The following MORN4 variants were observed in gnomAD, a reference collection of about 807,000 sequenced individuals.
MORN4 encodes the protein MORN repeat-containing protein 4.
In MORN4, 8 loss-of-function variants were observed where a neutral mutation model predicts 16.4. That is an observed-to-expected ratio of 0.49 (90% confidence interval 0.29 to 0.88). The LOEUF (loss-of-function observed/expected upper bound fraction) is 0.88, where lower values mean the gene tolerates loss of function less well. Ranked by LOEUF, MORN4 falls within the 40% of genes least tolerant of loss-of-function variation. The pLI is 0.09. For missense variants in MORN4, 159 were observed against 182.9 expected (o/e 0.87, Z 0.75); for synonymous variants, 53 against 68.9 (o/e 0.77, Z 1.14).
At chr10:97,620,138 T>G (rs1291485110) in intron 1 of MORN4, among the ~76,000 whole-genome samples, 1 of 151,686 alleles carries the variant, frequency 6.6e-6, no homozygotes, top group Non-Finnish European at 1.5e-5. Context: ...TGGCCAGAAT[T>G]TAAAACAAGC....
chr10:97,628,052 G>C (rs970709908), intron 1 of MORN4, among the ~76,000 whole-genome samples: 5 of 152,190 alleles, frequency 3.3e-5, no homozygotes, highest in Non-Finnish European at 5.9e-5. Context: ...ATTTTGATCA[G>C]GCAATCCTCA....
intron 1 of MORN4, among the ~76,000 whole-genome samples, chr10:97,623,067 A>G (rs1421574922): frequency 1.3e-5 from 2 of 151,782 alleles, no homozygotes; most frequent in African/African-American, 4.8e-5. Context: ...CATCTTTTCC[A>G]GATCTAAGCA....
At chr10:97,624,096 A>G (rs767137618) in intron 1 of MORN4, among the ~76,000 whole-genome samples, 6 of 152,024 alleles carry the variant, frequency 3.9e-5, no homozygotes, top group Non-Finnish European at 7.4e-5. Flanking sequence ...CTTTTCCTTC[A>G]AGTCCCAGGG....
At chr10:97,624,185 T>C (rs559610812) in intron 1 of MORN4, among the ~76,000 whole-genome samples, 35 of 152,318 alleles carry the variant, frequency 2.3e-4, no homozygotes, top group African/African-American at 8.2e-4. Context: ...GGGTCTGGTA[T>C]ATTTTATGCA....
chr10:97,618,258 CTTTTTTTTTTTTTT>C (rs1192502394), intron 2 of MORN4, among the ~76,000 whole-genome samples: 1 of 92,820 alleles, frequency 1.1e-5, no homozygotes, highest in Non-Finnish European at 2.0e-5. Flanking sequence ...AGCCTCTCTT[CTTTTTTTTTTTTTT>C]TTTTTTTTTT....
intron 1 of MORN4, among the ~76,000 whole-genome samples, chr10:97,632,927 T>TG (rs1449182414): frequency 6.6e-6 from 1 of 152,094 alleles, no homozygotes; most frequent in African/African-American, 2.4e-5. Flanking sequence ...CTTCCATATG[T>TG]GGGAGTTCTC....
upstream of MORN4, among the ~76,000 whole-genome samples, chr10:97,634,050 A>G (rs773829263): frequency 5.9e-5 from 9 of 152,138 alleles, no homozygotes; most frequent in Admixed American, 6.6e-5. Context: ...GCACTTCGGG[A>G]GGCCGCGGCT....
chr10:97,622,091 G>A (rs1412158054), intron 1 of MORN4, among the ~76,000 whole-genome samples: 1 of 152,120 alleles, frequency 6.6e-6, no homozygotes, highest in Non-Finnish European at 1.5e-5. Context: ...GCTGGCCACA[G>A]ATGAACAAAT....
chr10:97,614,696 G>A lies in MORN4; in HGVS notation c.*1567C>T, dbSNP rs1256826008. ...TCAATGTGAGGCTAGGGAGCTAGAG[G>A]TGGGGGACGTATTTGGGTACCAGGG... On this transcript the variant is annotated 3_prime_UTR_variant, in exon 5 of 5. Transcript: ENST00000307450. 1.3e-5 allele frequency: 2 copies of A among 152,662 alleles called. No homozygotes were observed. The highest frequency in any genetic ancestry group is 3.8e-4 in the East Asian group (2 of 5,202). The allele number at this position is 152,662 out of a possible 1,614,324, so 9.5% of individuals were successfully genotyped here.
Position 97,621,945 on chromosome 10 carries a change from A to G in MORN4, c.-30-2262T>C, listed in dbSNP as rs149212380. Among the ~76,000 whole-genome samples the G allele has an allele frequency of 1.1e-3, 175 of 152,204 alleles. 1 individual carries two copies. The Middle Eastern group carries it at 0.014, about 12-fold the overall frequency. ...TGTGTGACTTGTTCTAGATAATGGAATGTTCGCAAAGGTGATCTAGCAGAG... is the reference window on the plus strand; with the variant it reads ...TGTGTGACTTGTTCTAGATAATGGAGTGTTCGCAAAGGTGATCTAGCAGAG... On this transcript the variant is annotated intron_variant, in intron 1 of 4. Coordinates refer to ENST00000307450, the MANE Select transcript of MORN4 (RefSeq NM_178832.4).
Position 97,633,467 on chromosome 10 carries a change from C to G in MORN4, c.-151G>C. On this transcript the variant is annotated 5_prime_UTR_variant, in exon 1 of 5. Coordinates refer to ENST00000307450, the MANE Select transcript of MORN4 (RefSeq NM_178832.4). This position sits in a 1 kb window ranked among gnomAD's most constrained non-coding sequence, Gnocchi z 4.5. ...CTCCGCCACCTCCACCAGCGATTGC[C>G]CCACTTGACGCCGCCATCCTGGGCG... is the stretch of plus-strand genomic sequence containing the variant. 2 of 1,289,870 alleles carry G rather than the reference C, an allele frequency of 1.6e-6. No individual in the cohort carries two copies. The highest frequency in any genetic ancestry group is 2.0e-6 in the Non-Finnish European group (2 of 988,858). 79.9% of individuals were successfully genotyped at this position (1,289,870 alleles called of 1,614,324 possible).
intron 1 of MORN4, among the ~76,000 whole-genome samples, chr10:97,627,598 T>TG (rs2041360243): frequency 6.6e-6 from 1 of 152,178 alleles, no homozygotes; most frequent in Non-Finnish European, 1.5e-5. Context: ...CCCTGTGCTC[T>TG]CACCCAAATA....
At position 97,616,205 on chromosome 10, in the gene MORN4, A is replaced by T. The variant is rs1308952684; in HGVS notation, c.*58T>A. ...GCTCTGATTCATTTGTTCACCTCGAATCAACAACAGGGGCACTGGCTTTAC... is the reference window on the plus strand; with the variant it reads ...GCTCTGATTCATTTGTTCACCTCGATTCAACAACAGGGGCACTGGCTTTAC... On this transcript the variant is annotated 3_prime_UTR_variant, in exon 5 of 5. Transcript: ENST00000307450. 1 of 1,479,462 alleles carries T rather than the reference A, an allele frequency of 6.8e-7. No individual in the cohort carries two copies. Among genetic ancestry groups the T allele is most frequent in the South Asian group, 1.4e-5 (1 of 71,258 alleles). 91.6% of individuals were successfully genotyped at this position (1,479,462 alleles called of 1,614,324 possible).
At chr10:97,619,028 A>G (rs1374026063) in intron 2 of MORN4, among the ~76,000 whole-genome samples, 1 of 152,196 alleles carries the variant, frequency 6.6e-6, no homozygotes, top group East Asian at 1.9e-4. Flanking sequence ...AATGCTTAGA[A>G]GAGAGGCTGG....
At chr10:97,618,258 CTTTTTTTTTT>C (rs1192502394) in intron 2 of MORN4, among the ~76,000 whole-genome samples, 18 of 92,820 alleles carry the variant, frequency 1.9e-4, no homozygotes, top group African/African-American at 7.9e-4. Flanking sequence ...AGCCTCTCTT[CTTTTTTTTTT>C]TTTTTTTTTT....
intron 1 of MORN4, among the ~76,000 whole-genome samples, chr10:97,627,170 C>T (rs557442210): frequency 6.6e-5 from 10 of 151,708 alleles, no homozygotes; most frequent in Admixed American, 5.3e-4. Context: ...TTTTGAGACA[C>T]TCTCACTCTG....
Position 97,619,318 on chromosome 10 carries a change from G to A in MORN4, c.67+269C>T. 3 of 571,252 alleles carry A rather than the reference G, an allele frequency of 5.3e-6. 1 individual carries two copies. Among genetic ancestry groups the A allele is most frequent in the Admixed American group, 6.1e-5 (2 of 32,996 alleles). 35.4% of individuals were successfully genotyped at this position (571,252 alleles called of 1,614,324 possible). Reference sequence around the variant, plus strand: ...CCAGCCTAGGCAACATAGTGAGCGAGACCTCATCTCAAAAAACAAAACAAA... The same window carrying A: ...CCAGCCTAGGCAACATAGTGAGCGAAACCTCATCTCAAAAAACAAAACAAA... On this transcript the variant is annotated intron_variant, in intron 2 of 4. Coordinates refer to ENST00000307450, the MANE Select transcript of MORN4 (RefSeq NM_178832.4).
chr10:97,632,703 A>ATTTTT (rs552637866), intron 1 of MORN4, among the ~76,000 whole-genome samples: 1 of 143,312 alleles, frequency 7.0e-6, no homozygotes, highest in Non-Finnish European at 1.5e-5. Context: ...CGCCAAAAAG[A>ATTTTT]TTTTTTTTTT....
intron 1 of MORN4, among the ~76,000 whole-genome samples, chr10:97,629,158 C>T (rs1385133194): frequency 2.0e-5 from 3 of 152,044 alleles, no homozygotes; most frequent in African/African-American, 4.8e-5. Flanking sequence ...GAGGCCGAGG[C>T]GGACGGATCA....
Sources: gnomAD v4.1 joint callset for allele counts (sites outside exome capture counted in the v4.1 genomes callset) on GRCh38, gnomAD v4.1.1 for gene constraint, Gnocchi (gnomAD v3.1) non-coding constraint, MANE v1.5 for transcripts, NCBI Gene and HGNC (gene_info 2026-07-23, HGNC 2026-07-21) for gene names.